SEMA6B: variants seen among roughly 807,000 people sequenced by gnomAD.
SEMA6B encodes the protein semaphorin 6B, also known as semaphorin-6B.
Under a neutral mutation model 78.6 loss-of-function variants are expected in SEMA6B, and 47 were observed. The observed-to-expected ratio is 0.60, with a 90% CI of 0.47 to 0.76. The LOEUF (loss-of-function observed/expected upper bound fraction) is 0.76, where lower values mean the gene tolerates loss of function less well. Ranked by LOEUF, SEMA6B falls within the 30% of genes least tolerant of loss-of-function variation. SEMA6B has a pLI of 0.00. For missense variants in SEMA6B, 1,213 were observed against 1,269.9 expected (o/e 0.96, Z 0.68); for synonymous variants, 632 against 592.2 (o/e 1.07, Z -0.98).
Position 4,543,957 on chromosome 19 carries a change from CG to C in SEMA6B, c.2310del (p.Asp771ThrfsTer59). On this transcript the variant is annotated frameshift_variant, in exon 17 of 17. Transcript: ENST00000586582. LOFTEE classifies it high-confidence loss of function. ...EQPPAPGEPTPDGRLYAARPG... is the reference protein window; with the variant it reads ...EQPPAPGEPTXDGRLYAARPG... ...GGCCGGGCAGCATAGAGGCGGCCGT[CG>C]GGGGTCGGCTCCCCAGGCGCGGGGG... The C allele has an allele frequency of 3.3e-6, 4 of 1,201,760 alleles. No individual in the cohort carries two copies. The highest frequency in any genetic ancestry group is 3.5e-5 in the East Asian group (1 of 28,664). The allele number at this position is 1,201,760 out of a possible 1,614,324, so 74.4% of individuals were successfully genotyped here. A position where few individuals can be genotyped will look rare whatever the true frequency, so the allele number is the denominator to read the frequency against.
rs756420377 is a variant in SEMA6B, at chr19:4,548,404, G to C, written c.1313C>G (p.Pro438Arg). ...TRVAVDVGAG[P>R]WGNQTVVFLG... Reference sequence around the variant, plus strand: ...GAAGACAACGGTCTGGTTGCCCCAGGGGCCGGCTCCCACGTCCACAGCCAC... The same window carrying C: ...GAAGACAACGGTCTGGTTGCCCCAGCGGCCGGCTCCCACGTCCACAGCCAC... Residue 438 changes from proline (P) to arginine (R), a missense_variant, in exon 13 of 17, where the codon CCC becomes CGC. Coordinates refer to ENST00000586582, the MANE Select transcript of SEMA6B (RefSeq NM_032108.4). 3 of 1,613,364 alleles carry C rather than the reference G, an allele frequency of 1.9e-6. No individual in the cohort carries two copies. Among genetic ancestry groups the C allele is most frequent in the Non-Finnish European group, 2.5e-6 (3 of 1,179,954 alleles).
intron 9 of SEMA6B, among the ~76,000 whole-genome samples, chr19:4,553,051 G>A (rs1189474370): frequency 3.3e-5 from 5 of 152,240 alleles, no homozygotes; most frequent in Admixed American, 6.5e-5. Flanking sequence ...CTGGTTGCCT[G>A]GATGGACGGA....
In SEMA6B at chr19:4,555,529, G is replaced by A. The variant is rs146414829; in HGVS notation, c.507C>T (p.Ser169=). ...GGTCGTACGGGCAGCGGGCCATACC[G>A]CTGATGTTGTCTCCGACGGGCTGCA... ...DTLQPVGDNI[S]GMARCPYDPK... The change falls in exon 7 of 17, where the codon AGC becomes AGT. Residue 169 remains serine (S), a synonymous_variant. Coordinates refer to ENST00000586582, the MANE Select transcript of SEMA6B (RefSeq NM_032108.4). This position sits in a 1 kb window ranked among gnomAD's most constrained non-coding sequence, Gnocchi z 6.1. The A allele has an allele frequency of 2.6e-5, 42 of 1,613,540 alleles. No homozygotes were observed. The highest frequency in any genetic ancestry group is 1.7e-4 in the Middle Eastern group (1 of 6,054).
At position 4,555,458 on chromosome 19, in the gene SEMA6B, T is replaced by C. The variant is rs1351137653; in HGVS notation, c.562+16A>G. 5.0e-6 allele frequency: 8 copies of C among 1,601,398 alleles called. No homozygotes were observed. The Admixed American group carries it at 5.2e-5, about 10-fold the overall frequency. ...GTGGCTGGGGCTGATCAGATGGAGG[T>C]TGGGGGGGTACTTACCAGAGAAGAG... On this transcript the variant is annotated intron_variant, in intron 7 of 16. Transcript: ENST00000586582. This position sits in a 1 kb window ranked among gnomAD's most constrained non-coding sequence, Gnocchi z 6.1.
Position 4,558,289 on chromosome 19 carries a change from A to G in SEMA6B, c.121+48T>C. ...GCAGCAGACCCAACTGGGAACCCAG[A>G]TACTCCCACGGGACTCCACCCCCGC... On this transcript the variant is annotated intron_variant, in intron 2 of 16. Coordinates refer to ENST00000586582, the MANE Select transcript of SEMA6B (RefSeq NM_032108.4). This position sits in a 1 kb window ranked among gnomAD's most constrained non-coding sequence, Gnocchi z 5.1. The G allele has an allele frequency of 1.5e-6, 2 of 1,312,350 alleles. No individual in the cohort carries two copies. Among genetic ancestry groups the G allele is most frequent in the Non-Finnish European group, 2.0e-6 (2 of 1,020,736 alleles). The allele number at this position is 1,312,350 out of a possible 1,614,324, so 81.3% of individuals were successfully genotyped here.
intron 12 of SEMA6B, among the ~76,000 whole-genome samples, chr19:4,548,950 C>T (rs571534628): frequency 6.6e-6 from 1 of 152,306 alleles, no homozygotes; most frequent in Non-Finnish European, 1.5e-5. Context: ...TCCCAAGTAG[C>T]TGGGACTACA....
In SEMA6B at chr19:4,543,802, G is replaced by A. The variant is rs983846661; in HGVS notation, c.2466C>T (p.Ser822=). 308 of 1,219,016 alleles carry A rather than the reference G, an allele frequency of 2.5e-4. No homozygotes were observed. The highest frequency in any genetic ancestry group is 3.0e-4 in the Non-Finnish European group (295 of 979,970). 75.5% of individuals were successfully genotyped at this position (1,219,016 alleles called of 1,614,324 possible). A position where few individuals can be genotyped will look rare whatever the true frequency, so the allele number is the denominator to read the frequency against. Residue 822 remains serine (S), a synonymous_variant, in exon 17 of 17, where the codon AGC becomes AGT. Coordinates refer to ENST00000586582, the MANE Select transcript of SEMA6B (RefSeq NM_032108.4). ...TCCTCAGGCTGCCCGTCGGGGGCGG[G>A]CTCCAGGGCCGCGGGAGGCCATCGG... is the stretch of plus-strand genomic sequence containing the variant. ...SAADGLPRPW[S]PPPTGSLRRP...
intron 12 of SEMA6B, 60 bp from the exon 13 acceptor site, chr19:4,548,505 G>A (rs972034478): frequency 8.8e-6 from 13 of 1,482,434 alleles, no homozygotes; most frequent in Admixed American, 5.2e-5. Context: ...CCACCAACAC[G>A]GGCATGGCCA....
rs1193814805 is a variant in SEMA6B at position 4,558,296 on chromosome 19, C to A, written c.121+41G>T. The A allele has an allele frequency of 3.0e-6, 4 of 1,313,908 alleles. No homozygotes were observed. The highest frequency in any genetic ancestry group is 3.9e-6 in the Non-Finnish European group (4 of 1,021,730). The allele number at this position is 1,313,908 out of a possible 1,614,324, so 81.4% of individuals were successfully genotyped here. ...ACCCAACTGGGAACCCAGATACTCC[C>A]ACGGGACTCCACCCCCGCCCAAAGA... On this transcript the variant is annotated intron_variant, in intron 2 of 16. Coordinates refer to ENST00000586582, the MANE Select transcript of SEMA6B (RefSeq NM_032108.4). The surrounding 1 kb of genome is among the most constrained non-coding windows in gnomAD (Gnocchi z 5.1).
chr19:4,546,315 ACAGT>A, intron 15 of SEMA6B, 41 bp from the exon 16 acceptor site: 1 of 1,607,710 alleles, frequency 6.2e-7, no homozygotes, highest in East Asian at 2.2e-5. Flanking sequence ...GGCCCCTCTC[ACAGT>A]CAGAGATCAG....
intron 12 of SEMA6B, 48 bp from the exon 13 acceptor site, chr19:4,548,493 T>C: frequency 6.4e-7 from 1 of 1,556,706 alleles, no homozygotes; most frequent in Non-Finnish European, 8.8e-7. Flanking sequence ...TATCACCACA[T>C]GCCACCAACA....
chr19:4,558,987 A>G lies in SEMA6B; in HGVS notation c.-32-498T>C, dbSNP rs569499656. Reference sequence around the variant, plus strand: ...GATGGGAGGATCATCTGAGGTCAGGAGTTCAAGACCGGCCTGCCTAACATA... The same window carrying G: ...GATGGGAGGATCATCTGAGGTCAGGGGTTCAAGACCGGCCTGCCTAACATA... On this transcript the variant is annotated intron_variant, in intron 1 of 16. Coordinates refer to ENST00000586582, the MANE Select transcript of SEMA6B (RefSeq NM_032108.4). This position sits in a 1 kb window ranked among gnomAD's most constrained non-coding sequence, Gnocchi z 5.1. 2.0e-4 allele frequency among the ~76,000 whole-genome samples: 30 copies of G among 152,098 alleles called. No individual in the cohort carries two copies. Among genetic ancestry groups the G allele is most frequent in the Non-Finnish European group, 3.1e-4 (21 of 68,012 alleles).
At position 4,543,645 on chromosome 19, in the gene SEMA6B, G is replaced by A. The variant is rs764298541; in HGVS notation, c.2623C>T (p.Leu875Phe). The A allele has an allele frequency of 4.1e-6, 5 of 1,232,430 alleles. No individual in the cohort carries two copies. The East Asian group carries it at 1.6e-4, about 39-fold the overall frequency. The allele number at this position is 1,232,430 out of a possible 1,614,324, so 76.3% of individuals were successfully genotyped here. Residue 875 changes from leucine to phenylalanine, a missense_variant, in exon 17 of 17, where the codon CTC (leucine) becomes TTC (phenylalanine). Physicochemically the swap from Leu to Phe is conservative, Grantham distance 22 (BLOSUM62 0). Coordinates refer to ENST00000586582, the MANE Select transcript of SEMA6B (RefSeq NM_032108.4). ...ARPGTDLAHL[L>F]PYGGADRTAP... ...GTCCTGTCCGCCCCCCCATAGGGGAGGAGGTGGGCCAAGTCTGTGCCCGGC... is the reference window on the plus strand; with the variant it reads ...GTCCTGTCCGCCCCCCCATAGGGGAAGAGGTGGGCCAAGTCTGTGCCCGGC...
rs1189678772 is a variant in SEMA6B at position 4,543,049 on chromosome 19, A to C, written c.*552T>G. On this transcript the variant is annotated 3_prime_UTR_variant, in exon 17 of 17. Transcript: ENST00000586582. ...ACACCCTGCACGCGTGGCCCACTTG[A>C]CACACACGCCCACAGCAGCCTTCGC... The C allele has an allele frequency of 1.1e-5, 7 of 662,876 alleles. No individual in the cohort carries two copies. The highest frequency in any genetic ancestry group is 1.9e-5 in the Non-Finnish European group (7 of 361,950). The allele number at this position is 662,876 out of a possible 1,614,324, so 41.1% of individuals were successfully genotyped here.
chr19:4,547,947 T>C, intron 14 of SEMA6B, 80 bp downstream of exon 14: 1 of 1,444,516 alleles, frequency 6.9e-7, no homozygotes, highest in Non-Finnish European at 9.1e-7. Flanking sequence ...CATTGGGCTT[T>C]TGACTGGAAC....
chr19:4,545,864 C>T (rs1007320401), intron 16 of SEMA6B: 9 of 183,924 alleles, frequency 4.9e-5, no homozygotes, highest in African/African-American at 1.4e-4. Flanking sequence ...CTCTGCCTCC[C>T]GGATTCACGC....
rs759056608 is a variant in SEMA6B, at chr19:4,550,918, C to G, written c.1002G>C (p.Ser334=). ...GTGTCAGGTCAAAGGCGCAGACAGC[C>G]GAGCCAGGGATGCTGAGGGGTTGGG... is the stretch of plus-strand genomic sequence containing the variant. ...FSTPSNSIPG[S]AVCAFDLTQV... The change falls in exon 11 of 17, where the codon TCG becomes TCC. Residue 334 remains serine, a synonymous_variant. Coordinates refer to ENST00000586582, the MANE Select transcript of SEMA6B (RefSeq NM_032108.4). The surrounding 1 kb of genome is among the most constrained non-coding windows in gnomAD (Gnocchi z 6.6). The G allele has an allele frequency of 2.5e-6, 4 of 1,613,552 alleles. No individual in the cohort carries two copies. The highest frequency in any genetic ancestry group is 3.4e-6 in the Non-Finnish European group (4 of 1,179,974).
rs756545527 is a variant in SEMA6B at position 4,555,118 on chromosome 19, G to A, written c.563-23C>T. Reference sequence around the variant, plus strand: ...CGTCTGGATGGGGTGGGTGGGGAAGGCAGGCAAGAGATGAGACCGCAGAGG... The same window carrying A: ...CGTCTGGATGGGGTGGGTGGGGAAGACAGGCAAGAGATGAGACCGCAGAGG... On this transcript the variant is annotated intron_variant, in intron 7 of 16. Coordinates refer to ENST00000586582, the MANE Select transcript of SEMA6B (RefSeq NM_032108.4). This position sits in a 1 kb window ranked among gnomAD's most constrained non-coding sequence, Gnocchi z 6.1. 6.2e-7 allele frequency: 1 copy of A among 1,612,696 alleles called. No homozygotes were observed. Among genetic ancestry groups the A allele is most frequent in the Admixed American group, 1.7e-5 (1 of 59,982 alleles).
At chr19:4,554,841 G>T in intron 8 of SEMA6B, 135 bp downstream of exon 8, 1 of 1,145,414 alleles carries the variant, frequency 8.7e-7, no homozygotes, top group Non-Finnish European at 1.2e-6. Flanking sequence ...CTTCAAAAAG[G>T]CCAACAGATT....
Sources: gnomAD v4.1 joint callset for allele counts (sites outside exome capture counted in the v4.1 genomes callset) on GRCh38, gnomAD v4.1.1 for gene constraint, Gnocchi (gnomAD v3.1) non-coding constraint, MANE v1.5 for transcripts, NCBI Gene and HGNC (gene_info 2026-07-23, HGNC 2026-07-21) for gene names.